TRIM41: variants seen among roughly 807,000 people sequenced by gnomAD.
The protein encoded by TRIM41 is E3 ubiquitin-protein ligase TRIM41.
In TRIM41, 21 loss-of-function variants were observed where a neutral mutation model predicts 60.6. The observed-to-expected ratio is 0.35, with a 90% CI of 0.25 to 0.50. The LOEUF is 0.50. Among genes scored for constraint, TRIM41 ranks in the 20% least tolerant of loss-of-function variants. TRIM41 has a pLI of 0.98. For missense variants in TRIM41, 846 were observed against 868.3 expected (o/e 0.97, Z 0.32); for synonymous variants, 407 against 344.9 (o/e 1.18, Z -2.00).
Position 181,233,561 on chromosome 5 carries a change from C to G in TRIM41, c.1164-75C>G. On this transcript the variant is annotated intron_variant, in intron 4 of 5. Coordinates refer to ENST00000315073, the MANE Select transcript of TRIM41 (RefSeq NM_033549.5). This position sits in a 1 kb window ranked among gnomAD's most constrained non-coding sequence, Gnocchi z 4.1. ...GAGTTTCCATCTCCTGGACCCTCCT[C>G]TCCTTCCCCTCAGCTTTTGCTTTTC... The G allele has an allele frequency of 1.2e-6, 2 of 1,609,234 alleles. No individual in the cohort carries two copies. Among genetic ancestry groups the G allele is most frequent in the Non-Finnish European group, 1.7e-6 (2 of 1,176,352 alleles).
In TRIM41 at chr5:181,233,887, A is replaced by C; in HGVS notation, c.1291+124A>C. Reference sequence around the variant, plus strand: ...GAGATGGAGCAGGATCCAGGCAGCCACTCTGAGGTTGAGGTTTCAAGCCAT... The same window carrying C: ...GAGATGGAGCAGGATCCAGGCAGCCCCTCTGAGGTTGAGGTTTCAAGCCAT... On this transcript the variant is annotated intron_variant, in intron 5 of 5. Coordinates refer to ENST00000315073, the MANE Select transcript of TRIM41 (RefSeq NM_033549.5). This position sits in a 1 kb window ranked among gnomAD's most constrained non-coding sequence, Gnocchi z 4.1. 2.0e-6 allele frequency: 3 copies of C among 1,472,244 alleles called. No homozygotes were observed. Among genetic ancestry groups the C allele is most frequent in the Non-Finnish European group, 2.8e-6 (3 of 1,074,844 alleles). The allele number at this position is 1,472,244 out of a possible 1,614,324, so 91.2% of individuals were successfully genotyped here. A position where few individuals can be genotyped will look rare whatever the true frequency, so the allele number is the denominator to read the frequency against.
Position 181,234,796 on chromosome 5 carries a change from G to T in TRIM41, c.*21G>T. 2.5e-6 allele frequency: 4 copies of T among 1,606,538 alleles called. No homozygotes were observed. The highest frequency in any genetic ancestry group is 2.6e-6 in the Non-Finnish European group (3 of 1,175,852). ...CTTGATTATCCTGCCACCCGCAGGG[G>T]CCCCTCTGTCAGCACTTGGGGGGTG... is the stretch of plus-strand genomic sequence containing the variant. On this transcript the variant is annotated 3_prime_UTR_variant, in exon 6 of 6. Transcript: ENST00000315073. The surrounding 1 kb of genome is among the most constrained non-coding windows in gnomAD (Gnocchi z 5.6).
rs1259232912 is a variant in TRIM41 at position 181,233,629 on chromosome 5, C to A, written c.1164-7C>A. 1 of 1,613,908 alleles carries A rather than the reference C, an allele frequency of 6.2e-7. No individual in the cohort carries two copies. Among genetic ancestry groups the A allele is most frequent in the Admixed American group, 1.7e-5 (1 of 60,020 alleles). ...GTCCCACCCCCTGCCCGGTCCCCTT[C>A]CTCCAGGTGTGAAGAGGTACAGCTG... On this transcript the variant is annotated splice_region_variant and splice_polypyrimidine_tract_variant and intron_variant, in intron 4 of 5. Coordinates refer to ENST00000315073, the MANE Select transcript of TRIM41 (RefSeq NM_033549.5). This position sits in a 1 kb window ranked among gnomAD's most constrained non-coding sequence, Gnocchi z 4.1.
Position 181,235,110 on chromosome 5 carries a change from TC to T in TRIM41, c.*337del. 4 of 1,591,478 alleles carry T rather than the reference TC, an allele frequency of 2.5e-6. No homozygotes were observed. Among genetic ancestry groups the T allele is most frequent in the Non-Finnish European group, 3.4e-6 (4 of 1,169,082 alleles). ...GGATGAGGGGAAATTGTAATTTCAT[TC>T]CTTAACTTCCTTTTCCCCACCCCTG... On this transcript the variant is annotated 3_prime_UTR_variant, in exon 6 of 6. Coordinates refer to ENST00000315073, the MANE Select transcript of TRIM41 (RefSeq NM_033549.5).
intron 1 of TRIM41, chr5:181,230,496 CAAAAAAAAAAAAAA>C (rs60815823): frequency 5.5e-4 from 24 of 43,730 alleles, no homozygotes; most frequent in Middle Eastern, 0.013. Context: ...GACTCTGTCT[CAAAAAAAAAAAAAA>C]AAAAAAAAAA....
At position 181,234,709 on chromosome 5, in the gene TRIM41, G is replaced by T. The variant is rs745314117; in HGVS notation, c.1827G>T (p.Leu609=). ...AHVHTFSAAF[L]GERVFPFFRV... ...TGCACACCTTCTCGGCTGCCTTCCT[G>T]GGCGAGCGTGTCTTTCCTTTCTTCC... is the stretch of plus-strand genomic sequence containing the variant. Residue 609 remains leucine (L), a synonymous_variant, in exon 6 of 6, where the codon CTG becomes CTT. Coordinates refer to ENST00000315073, the MANE Select transcript of TRIM41 (RefSeq NM_033549.5). This position sits in a 1 kb window ranked among gnomAD's most constrained non-coding sequence, Gnocchi z 5.6. 1 of 1,614,164 alleles carries T rather than the reference G, an allele frequency of 6.2e-7. No homozygotes were observed.
chr5:181,234,678 C>T lies in TRIM41; in HGVS notation c.1796C>T (p.Ala599Val). 1 of 1,614,208 alleles carries T rather than the reference C, an allele frequency of 6.2e-7. No homozygotes were observed. The highest frequency in any genetic ancestry group is 8.5e-7 in the Non-Finnish European group (1 of 1,180,042). Residue 599 changes from alanine to valine, a missense_variant, in exon 6 of 6, where the codon GCC (alanine) becomes GTC (valine). Transcript: ENST00000315073. The surrounding 1 kb of genome is among the most constrained non-coding windows in gnomAD (Gnocchi z 5.6). ...GGCTTCTACAACGCAGAGACTCTAG[C>T]CCACGTGCACACCTTCTCGGCTGCC... ...RLGFYNAETL[A>V]HVHTFSAAFL...
chr5:181,225,407 T>A (rs1203074555), intron 1 of TRIM41: 2 of 161,958 alleles, frequency 1.2e-5, no homozygotes, highest in Admixed American at 5.6e-5. Context: ...CTTGATTAAG[T>A]CTGTGAGTGT....
chr5:181,231,013 G>A (rs913129375), intron 2 of TRIM41, 174 bp downstream of exon 2: 1 of 529,920 alleles, frequency 1.9e-6, no homozygotes, highest in Non-Finnish European at 3.5e-6. Flanking sequence ...AGAGAATCAG[G>A]AGGCATGTTC....
Position 181,223,873 on chromosome 5 carries a change from C to T in TRIM41, c.-127C>T. 1.1e-6 allele frequency: 1 copy of T among 930,212 alleles called. No individual in the cohort carries two copies. Among genetic ancestry groups the T allele is most frequent in the South Asian group, 1.7e-5 (1 of 60,322 alleles). 57.6% of individuals were successfully genotyped at this position (930,212 alleles called of 1,614,324 possible). On this transcript the variant is annotated 5_prime_UTR_variant, in exon 1 of 6. Transcript: ENST00000315073. ...GGTTGTCGGCAGGACATCTCTCTGG[C>T]TGCTCTTGGGGCGAGGTGTGGAGGG...
intron 1 of TRIM41, chr5:181,226,796 T>C (rs1383862911): frequency 6.6e-6 from 1 of 152,162 alleles, no homozygotes; most frequent in Non-Finnish European, 1.5e-5. Context: ...ATTTGTTCAA[T>C]GCCAGCTGCC....
Position 181,235,050 on chromosome 5 carries a change from G to T in TRIM41, c.*275G>T. 1 of 1,613,342 alleles carries T rather than the reference G, an allele frequency of 6.2e-7. No homozygotes were observed. The highest frequency in any genetic ancestry group is 1.1e-5 in the South Asian group (1 of 91,042). On this transcript the variant is annotated 3_prime_UTR_variant, in exon 6 of 6. Transcript: ENST00000315073. ...GCTGCCTGGTCTTCTCTCCCAGTCT[G>T]CCTAGCCCAGCCCTGGGACTGGAAT...
chr5:181,223,969 G>A lies in TRIM41; in HGVS notation c.-31G>A. On this transcript the variant is annotated 5_prime_UTR_variant, in exon 1 of 6. Transcript: ENST00000315073. Reference sequence around the variant, plus strand: ...GACCCCCGCCCCTCGCCCCCCCACCGAACCTCTACACTGGCTGGCTGGACA... The same window carrying A: ...GACCCCCGCCCCTCGCCCCCCCACCAAACCTCTACACTGGCTGGCTGGACA... 1 of 1,063,462 alleles carries A rather than the reference G, an allele frequency of 9.4e-7. No individual in the cohort carries two copies. Among genetic ancestry groups the A allele is most frequent in the Non-Finnish European group, 1.4e-6 (1 of 702,494 alleles). 65.9% of individuals were successfully genotyped at this position (1,063,462 alleles called of 1,614,324 possible). A position where few individuals can be genotyped will look rare whatever the true frequency, so the allele number is the denominator to read the frequency against.
In TRIM41 at chr5:181,235,720, C is replaced by A; in HGVS notation, c.*945C>A. Reference sequence around the variant, plus strand: ...CTCTTGCCTTGTCACTTGCAGCTTTCGCCCTCTGCTTTGATGGCTGAGGTG... The same window carrying A: ...CTCTTGCCTTGTCACTTGCAGCTTTAGCCCTCTGCTTTGATGGCTGAGGTG... On this transcript the variant is annotated 3_prime_UTR_variant, in exon 6 of 6. Transcript: ENST00000315073. The A allele has an allele frequency of 3.3e-6, 1 of 302,074 alleles. No homozygotes were observed. The highest frequency in any genetic ancestry group is 6.4e-6 in the Non-Finnish European group (1 of 157,396). The allele number at this position is 302,074 out of a possible 1,614,324, so 18.7% of individuals were successfully genotyped here. A position where few individuals can be genotyped will look rare whatever the true frequency, so the allele number is the denominator to read the frequency against.
Position 181,233,242 on chromosome 5 carries a change from C to T in TRIM41, c.1141-171C>T, listed in dbSNP as rs1449943696. The stretch of plus-strand genomic sequence containing the variant: ...ATGAGGCGAGTTAGGTATGGCGAGG[C>T]ATGGGGTGGTTGAAATGGATGTGTG... On this transcript the variant is annotated intron_variant, in intron 3 of 5. Coordinates refer to ENST00000315073, the MANE Select transcript of TRIM41 (RefSeq NM_033549.5). The surrounding 1 kb of genome is among the most constrained non-coding windows in gnomAD (Gnocchi z 4.1). The T allele has an allele frequency of 3.2e-5, 25 of 788,332 alleles. No individual in the cohort carries two copies. The highest frequency in any genetic ancestry group is 9.0e-5 in the Admixed American group (5 of 55,548). 48.8% of individuals were successfully genotyped at this position (788,332 alleles called of 1,614,324 possible).
chr5:181,224,387 G>A lies in TRIM41; in HGVS notation c.388G>A (p.Glu130Lys). Residue 130 changes from glutamate (E) to lysine (K), a missense_variant, in exon 1 of 6, where the codon GAG becomes AAG. Coordinates refer to ENST00000315073, the MANE Select transcript of TRIM41 (RefSeq NM_033549.5). Reference protein sequence around the residue: ...MDYVWEEEDEEEDLDYYLGDM... With the variant: ...MDYVWEEEDEKEDLDYYLGDM... ...CTATGTGTGGGAGGAGGAGGACGAG[G>A]AGGAAGACCTGGACTACTACTTGGG... The A allele has an allele frequency of 6.2e-7, 1 of 1,612,782 alleles. No individual in the cohort carries two copies. The highest frequency in any genetic ancestry group is 8.5e-7 in the Non-Finnish European group (1 of 1,178,900).
In TRIM41 at chr5:181,233,223, C is replaced by A; in HGVS notation, c.1141-190C>A. 1.3e-6 allele frequency: 1 copy of A among 747,850 alleles called. No individual in the cohort carries two copies. The highest frequency in any genetic ancestry group is 2.6e-5 in the East Asian group (1 of 39,148). The allele number at this position is 747,850 out of a possible 1,614,324, so 46.3% of individuals were successfully genotyped here. On this transcript the variant is annotated intron_variant, in intron 3 of 5. Transcript: ENST00000315073. The surrounding 1 kb of genome is among the most constrained non-coding windows in gnomAD (Gnocchi z 4.1). ...TCCCTGGGCTCACAGCAGGATGAGG[C>A]GAGTTAGGTATGGCGAGGCATGGGG...
chr5:181,224,641 C>T lies in TRIM41; in HGVS notation c.642C>T (p.Thr214=), dbSNP rs199573715. 29 of 1,614,116 alleles carry T rather than the reference C, an allele frequency of 1.8e-5. No individual in the cohort carries two copies. The highest frequency in any genetic ancestry group is 1.1e-4 in the East Asian group (5 of 44,896). Residue 214 remains threonine, a synonymous_variant, in exon 1 of 6, where the codon ACC becomes ACT. Transcript: ENST00000315073. ...MVQVIRQMHP[T]PGRGSRVTDQ... ...AGGTGATTCGGCAGATGCACCCAAC[C>T]CCTGGTCGAGGGAGCCGCGTGACCG...
intron 1 of TRIM41, chr5:181,226,919 G>A (rs1220534892): frequency 1.3e-5 from 2 of 151,144 alleles, no homozygotes; most frequent in African/African-American, 2.4e-5. Flanking sequence ...TGTTGCCCAG[G>A]CTGGAGTGCA....
Sources: gnomAD v4.1 joint callset for allele counts on GRCh38, gnomAD v4.1.1 for gene constraint, Gnocchi (gnomAD v3.1) non-coding constraint, MANE v1.5 for transcripts, NCBI Gene and HGNC (gene_info 2026-07-23, HGNC 2026-07-21) for gene names.